The following KAZN variants were observed in gnomAD, a reference collection of about 807,000 sequenced individuals.
KAZN encodes the protein kazrin, periplakin interacting protein, also known as kazrin.
In KAZN, 40 loss-of-function variants were observed where a neutral mutation model predicts 87.4. That is an observed-to-expected ratio of 0.46 (90% confidence interval 0.36 to 0.60). The LOEUF (loss-of-function observed/expected upper bound fraction) is 0.60. Ranked by LOEUF, KAZN falls within the 20% of genes least tolerant of loss-of-function variation. The pLI is 0.00. For synonymous variants in KAZN, 466 were observed against 458.3 expected (o/e 1.02, Z -0.22); for missense variants, 898 against 1,073.9 (o/e 0.84, Z 2.29).
At chr1:14,564,934 A>G (rs954341003) in intron 2 of KAZN, among the ~76,000 whole-genome samples, 33 of 152,258 alleles carry the variant, frequency 2.2e-4, no homozygotes, top group African/African-American at 7.7e-4. Flanking sequence ...CTGTGGGAGC[A>G]TAACCAAGAC....
chr1:14,420,054 CTGATTGGTCTGTTTTACAGAGAGT>C (rs1431108848), intron 2 of KAZN, among the ~76,000 whole-genome samples: 4 of 152,150 alleles, frequency 2.6e-5, no homozygotes, highest in African/African-American at 4.8e-5. Flanking sequence ...TTACAGAGAG[CTGATTGGTCTGTTTTACAGAGAGT>C]TGATTGGTCC....
At chr1:14,753,302 C>T (rs1257703540) in intron 1 of KAZN, among the ~76,000 whole-genome samples, 1 of 152,142 alleles carries the variant, frequency 6.6e-6, no homozygotes, top group Non-Finnish European at 1.5e-5. Context: ...TTAGTGAGCA[C>T]CTCCTGTTTA....
chr1:14,883,084 T>C (rs1653509645), intron 1 of KAZN, among the ~76,000 whole-genome samples: 1 of 151,628 alleles, frequency 6.6e-6, no homozygotes, highest in Non-Finnish European at 1.5e-5. Context: ...TCACCTGAGG[T>C]CGGGAGTTCG....
At chr1:15,071,805 C>A (rs1396867205) in intron 8 of KAZN, among the ~76,000 whole-genome samples, 2 of 152,184 alleles carry the variant, frequency 1.3e-5, no homozygotes, top group Admixed American at 1.3e-4. Flanking sequence ...AGGCTGTGTA[C>A]AGAAACCATG....
At chr1:15,079,220 C>T (rs933721289) in intron 8 of KAZN, among the ~76,000 whole-genome samples, 4 of 152,202 alleles carry the variant, frequency 2.6e-5, no homozygotes, top group Non-Finnish European at 2.9e-5. Flanking sequence ...TGTCCATAGG[C>T]GCCTGTGGAA....
At chr1:14,555,780 A>G (rs1470790000) in intron 2 of KAZN, among the ~76,000 whole-genome samples, 1 of 152,250 alleles carries the variant, frequency 6.6e-6, no homozygotes, top group Non-Finnish European at 1.5e-5. Flanking sequence ...GATCAGACAC[A>G]GATTAAGTGC....
chr1:14,050,291 A>G (rs1642273782), intron 1 of KAZN, among the ~76,000 whole-genome samples: 1 of 152,216 alleles, frequency 6.6e-6, no homozygotes, highest in Admixed American at 6.5e-5. Flanking sequence ...AATTTGGAGC[A>G]CTGGATACTT....
At chr1:14,562,024 C>A (rs539036522) in intron 2 of KAZN, among the ~76,000 whole-genome samples, 1 of 152,282 alleles carries the variant, frequency 6.6e-6, no homozygotes, top group Non-Finnish European at 1.5e-5. Context: ...CCGTTTGCCT[C>A]CCCCTGGGGA....
chr1:14,260,901 C>T (rs1244866562), intron 2 of KAZN, among the ~76,000 whole-genome samples: 3 of 152,174 alleles, frequency 2.0e-5, no homozygotes, highest in African/African-American at 7.2e-5. Flanking sequence ...ATGAGGCAGA[C>T]GGCCTCCAGG....
intron 1 of KAZN, among the ~76,000 whole-genome samples, chr1:14,106,981 TCTCCCTCCCTCC>T (rs1157966988): frequency 3.0e-5 from 2 of 66,636 alleles, no homozygotes; most frequent in Non-Finnish European, 5.6e-5. Context: ...TCCCTCCTTC[TCTCCCTCCCTCC>T]CTCCCTCCCT....
chr1:14,626,851 G>C (rs986523007), intron 1 of KAZN, among the ~76,000 whole-genome samples: 15 of 152,118 alleles, frequency 9.9e-5, no homozygotes, highest in Non-Finnish European at 1.2e-4. Context: ...TTGCGGCCCT[G>C]TTCCCTGCTT....
chr1:13,906,816 T>C (rs1489450579), intron 1 of KAZN, among the ~76,000 whole-genome samples: 1 of 152,206 alleles, frequency 6.6e-6, no homozygotes, highest in Non-Finnish European at 1.5e-5. Flanking sequence ...CATGCTATGC[T>C]GCAGATGCCA....
chr1:14,160,890 A>G (rs752827225), intron 1 of KAZN, among the ~76,000 whole-genome samples: 19 of 152,338 alleles, frequency 1.2e-4, no homozygotes, highest in Non-Finnish European at 2.4e-4. Flanking sequence ...TTACATCTTT[A>G]CCCAGTTCTA....
chr1:15,055,703 G>A (rs1455831935), intron 4 of KAZN, among the ~76,000 whole-genome samples: 1 of 152,150 alleles, frequency 6.6e-6, no homozygotes, highest in Non-Finnish European at 1.5e-5. Flanking sequence ...TATAAGATGG[G>A]GAGACCAAGA....
intron 2 of KAZN, among the ~76,000 whole-genome samples, chr1:14,293,970 TACTC>T (rs1303992584): frequency 6.6e-6 from 1 of 152,156 alleles, no homozygotes; most frequent in African/African-American, 2.4e-5. Flanking sequence ...ACCCCATGCA[TACTC>T]ACTCTGCCTG....
chr1:15,104,197 C>A lies in KAZN; in HGVS notation c.2048+8C>A, dbSNP rs41300108. On this transcript the variant is annotated splice_region_variant and intron_variant, in intron 13 of 14. Transcript: ENST00000376030. ...CGTCTTCCACCCAGCCAAGTGAGCA[C>A]GGGCTGGGATCCAGTCATGTGGGCT... 2 of 1,566,406 alleles carry A rather than the reference C, an allele frequency of 1.3e-6. No homozygotes were observed. Among genetic ancestry groups the A allele is most frequent in the African/African-American group, 2.7e-5 (2 of 73,610 alleles).
intron 1 of KAZN, among the ~76,000 whole-genome samples, chr1:13,962,748 G>A (rs953088903): frequency 2.0e-5 from 3 of 152,118 alleles, no homozygotes; most frequent in African/African-American, 7.2e-5. Flanking sequence ...AGTAGAGTGA[G>A]TGTTTCACGG....
chr1:14,125,017 G>GCCTATCCTCA lies in KAZN; in HGVS notation c.92-55418_92-55417insCCTATCCTCA, dbSNP rs1377538603. On this transcript the variant is annotated intron_variant, in intron 1 of 16. Coordinates refer to the KAZN transcript ENST00000636203. ...GCAGTAGCGAGTGGATAGGGTAATG[G>GCCTATCCTCA]GTGGTGAGGCCTCAGTAGCAAGATC... is the stretch of plus-strand genomic sequence containing the variant. Among the ~76,000 whole-genome samples the GCCTATCCTCA allele has an allele frequency of 2.0e-5, 3 of 152,274 alleles. No homozygotes were observed. The East Asian group carries it at 5.8e-4, about 29-fold the overall frequency.
At chr1:14,895,030 G>A (rs919487449) in intron 1 of KAZN, among the ~76,000 whole-genome samples, 1 of 152,240 alleles carries the variant, frequency 6.6e-6, no homozygotes, top group Non-Finnish European at 1.5e-5. Flanking sequence ...AGCCTGCTCT[G>A]CCCAGCAGCA....
Sources: gnomAD v4.1 joint callset for allele counts (sites outside exome capture counted in the v4.1 genomes callset) on GRCh38, gnomAD v4.1.1 for gene constraint, MANE v1.5 for transcripts, NCBI Gene and HGNC (gene_info 2026-07-23, HGNC 2026-07-21) for gene names.